SYTL5: variants seen among roughly 807,000 people sequenced by gnomAD.
SYTL5 encodes synaptotagmin-like protein 5.
A neutral mutation model predicts 55.9 loss-of-function variants in SYTL5; 34 were observed. The observed-to-expected ratio is 0.61, with a 90% CI of 0.46 to 0.81. The LOEUF (loss-of-function observed/expected upper bound fraction) is 0.81. Among genes scored for constraint, SYTL5 ranks in the 30% least tolerant of loss-of-function variants. SYTL5 has a pLI of 0.00. For missense variants in SYTL5, 637 were observed against 546.7 expected (o/e 1.17, Z -1.65); for synonymous variants, 221 against 188.7 (o/e 1.17, Z -1.40).
chrX:38,032,691 T>C (rs1197756566), intron 1 of SYTL5, among the ~76,000 whole-genome samples: 1 of 111,439 alleles, frequency 9.0e-6, no homozygotes, highest in Non-Finnish European at 1.9e-5. Flanking sequence ...TATATGTATA[T>C]ATGTATATGC....
At chrX:38,122,330 G>T in intron 15 of SYTL5, 115 bp downstream of exon 15, 1 of 576,173 alleles carries the variant, frequency 1.7e-6, no homozygotes. Flanking sequence ...GAAGTGTATG[G>T]GTGAGAACTA....
chrX:37,971,534 TAACAACAACAACAAC>T, the SYTL5 span, among the ~76,000 whole-genome samples: 2 of 109,996 alleles, frequency 1.8e-5, no homozygotes, highest in African/African-American at 6.6e-5. Context: ...ACAACAACAA[TAACAACAACAACAAC>T]AACAAAAAAC....
chrX:37,971,882 T>TGGGATCCATGTGTGCTGTTTGC, the SYTL5 span, among the ~76,000 whole-genome samples: 1 of 108,361 alleles, frequency 9.2e-6, no homozygotes, highest in African/African-American at 3.4e-5. Context: ...GTGCTGTTTG[T>TGGGATCCATGTGTGCTGTTTGC]GGGATCCATG....
chrX:38,075,464 A>G, intron 5 of SYTL5, among the ~76,000 whole-genome samples: 1 of 111,580 alleles, frequency 9.0e-6, no homozygotes, highest in East Asian at 2.8e-4. Flanking sequence ...CCAGTTGAGT[A>G]TAGGAGTCAT....
chrX:38,060,709 C>T (rs1245473702), intron 3 of SYTL5, among the ~76,000 whole-genome samples: 2 of 112,207 alleles, frequency 1.8e-5, no homozygotes, highest in South Asian at 3.7e-4. Flanking sequence ...ATGCCAAATG[C>T]ATTTGCCCTC....
the SYTL5 span, among the ~76,000 whole-genome samples, chrX:37,917,029 G>A: frequency 8.9e-6 from 1 of 111,743 alleles, no homozygotes; most frequent in Non-Finnish European, 1.9e-5. Flanking sequence ...TTCGTAGAAA[G>A]TCCATAACTG....
chrX:38,004,249 C>T (rs1363128087), upstream of SYTL5, among the ~76,000 whole-genome samples: 1 of 111,548 alleles, frequency 9.0e-6, no homozygotes, highest in Non-Finnish European at 1.9e-5. Flanking sequence ...GGGTATTACT[C>T]AATAAATCCT....
At chrX:38,038,939 T>A (rs985786984) in intron 2 of SYTL5, among the ~76,000 whole-genome samples, 1 of 111,776 alleles carries the variant, frequency 8.9e-6, no homozygotes, top group Non-Finnish European at 1.9e-5. Flanking sequence ...TTGTACTGAA[T>A]CAATATTTTA....
the SYTL5 span, among the ~76,000 whole-genome samples, chrX:37,961,748 T>A: frequency 8.9e-6 from 1 of 112,382 alleles, no homozygotes; most frequent in South Asian, 3.7e-4. Flanking sequence ...ATCATATATT[T>A]GTATAATATT....
chrX:38,047,720 T>G (rs972320742), intron 2 of SYTL5, among the ~76,000 whole-genome samples: 8 of 112,310 alleles, frequency 7.1e-5, no homozygotes, highest in African/African-American at 2.6e-4. Flanking sequence ...CGTCAGGCTT[T>G]TATGCTTTGT....
chrX:38,035,621 G>T (rs764470630), intron 2 of SYTL5, among the ~76,000 whole-genome samples: 2 of 110,610 alleles, frequency 1.8e-5, no homozygotes, highest in Admixed American at 1.9e-4. Flanking sequence ...TTCTGGCCGG[G>T]CGTGGTGGCT....
intron 2 of SYTL5, among the ~76,000 whole-genome samples, chrX:38,037,134 T>C (rs192958864): frequency 2.7e-5 from 3 of 111,996 alleles, no homozygotes; most frequent in African/African-American, 9.7e-5. Context: ...CCAGGTAAAC[T>C]TGAGTGTTAA....
At chrX:37,956,645 T>C in the SYTL5 span, among the ~76,000 whole-genome samples, 1 of 112,588 alleles carries the variant, frequency 8.9e-6, no homozygotes, top group African/African-American at 3.2e-5. Flanking sequence ...TAATGAATAA[T>C]ATTCAATTGT....
At chrX:38,021,903 C>A (rs1435035058) in intron 1 of SYTL5, among the ~76,000 whole-genome samples, 1 of 111,925 alleles carries the variant, frequency 8.9e-6, no homozygotes, top group African/African-American at 3.2e-5. Flanking sequence ...TTGCAATTTG[C>A]GAGTTATTTG....
At chrX:38,080,980 A>G in intron 6 of SYTL5, among the ~76,000 whole-genome samples, 1 of 111,664 alleles carries the variant, frequency 9.0e-6, no homozygotes, top group Admixed American at 9.5e-5. Context: ...CTATTAGCAA[A>G]CTCCATTCCT....
At chrX:37,904,033 A>G in the SYTL5 span, among the ~76,000 whole-genome samples, 140 of 111,507 alleles carry the variant, frequency 1.3e-3, no homozygotes, top group South Asian at 3.0e-3. Flanking sequence ...CCTAGGACCT[A>G]ACACAATGTC....
rs142656906 is a variant in SYTL5, at chrX:38,062,395, T to A, written c.329+7973T>A. On this transcript the variant is annotated intron_variant, in intron 3 of 16. Transcript: ENST00000297875. ...TCTTTTTAAATTAGGAAGATCCTGA[T>A]GATATTTTTATTTTTGATTGATTGG... Among the ~76,000 whole-genome samples, 496 of 112,463 alleles carry A rather than the reference T, an allele frequency of 4.4e-3. 2 individuals are homozygous for A. The highest frequency in any genetic ancestry group is 0.015 in the African/African-American group (474 of 30,977).
chrX:37,919,103 A>T, the SYTL5 span, among the ~76,000 whole-genome samples: 1 of 111,259 alleles, frequency 9.0e-6, no homozygotes, highest in Non-Finnish European at 1.9e-5. Context: ...AGTTTCTTCT[A>T]TCTCTGCATA....
At chrX:37,944,100 G>A in the SYTL5 span, among the ~76,000 whole-genome samples, 1 of 110,949 alleles carries the variant, frequency 9.0e-6, no homozygotes, top group Admixed American at 9.6e-5. Flanking sequence ...GCCTGAGAAA[G>A]GAACTTCCCA....
Sources: allele counts gnomAD v4.1 joint callset (sites outside exome capture counted in the v4.1 genomes callset), GRCh38; gene constraint gnomAD v4.1.1; transcripts MANE v1.5; gene names NCBI Gene and HGNC (gene_info 2026-07-23, HGNC 2026-07-21).